The following AFG3L2 variants were observed in gnomAD, a reference collection of about 807,000 sequenced individuals.
AFG3L2 encodes mitochondrial inner membrane m-AAA protease component AFG3L2.
AFG3L2 carries 54 observed loss-of-function variants against 94.5 expected under a neutral mutation model. The ratio of observed to expected loss-of-function variants is 0.57; its 90% confidence interval spans 0.46 to 0.72. The LOEUF (loss-of-function observed/expected upper bound fraction) is 0.72. Among genes scored for constraint, AFG3L2 ranks in the 30% least tolerant of loss-of-function variants. The probability of loss-of-function intolerance (pLI) is 0.00; values close to 1 mark genes in which losing one functional copy is unlikely to be tolerated. For missense variants in AFG3L2, 754 were observed against 994.9 expected, an observed-to-expected ratio of 0.76 and a Z score of 3.26; for synonymous variants, 377 against 365.5, an observed-to-expected ratio of 1.03 and a Z score of -0.36.
At chr18:12,330,742 C>T (rs908664292) in intron 16 of AFG3L2, among the ~76,000 whole-genome samples, 4 of 151,632 alleles carry the variant, frequency 2.6e-5, no homozygotes, top group Non-Finnish European at 5.9e-5. Flanking sequence ...CGCGCCATTG[C>T]ACTCCAGCAG....
At position 12,332,962 on chromosome 18, in the gene AFG3L2, A is replaced by ATAAT. The variant is rs1568131911; in HGVS notation, c.2176-3180_2176-3179insATTA. Among the ~76,000 whole-genome samples the ATAAT allele has an allele frequency of 1.6e-3, 192 of 117,756 alleles. 2 individuals are homozygous for ATAAT. Among genetic ancestry groups the ATAAT allele is most frequent in the South Asian group, 7.7e-3 (32 of 4,178 alleles). The allele number at this position is 117,756 out of a possible 152,430, so 77.3% of individuals were successfully genotyped here. A position where few individuals can be genotyped will look rare whatever the true frequency, so the allele number is the denominator to read the frequency against. ...TAACATATAATATATTATATACTAT[A>ATAAT]ATATATTATATATTATATAAATATA... On this transcript the variant is annotated intron_variant, in intron 16 of 16. Transcript: ENST00000269143.
At chr18:12,342,959 T>G (rs1908001482) in intron 14 of AFG3L2, 2 of 152,106 alleles carry the variant, frequency 1.3e-5, no homozygotes. Context: ...CTACTCTTAC[T>G]CATTTGTATT....
chr18:12,359,815 C>A, intron 7 of AFG3L2, 112 bp downstream of exon 7: 1 of 1,405,268 alleles, frequency 7.1e-7, no homozygotes, highest in Non-Finnish European at 9.9e-7. Context: ...TCTGGCCAAA[C>A]TGATAAAGGC....
In AFG3L2 at chr18:12,358,922, C is replaced by G; in HGVS notation, c.774G>C (p.Leu258=). 1 of 1,613,526 alleles carries G rather than the reference C, an allele frequency of 6.2e-7. No homozygotes were observed. Among genetic ancestry groups the G allele is most frequent in the Non-Finnish European group, 8.5e-7 (1 of 1,179,692 alleles). The change falls in exon 8 of 17, where the codon CTG becomes CTC. Residue 258 remains leucine (L), a synonymous_variant. Coordinates refer to ENST00000269143, the MANE Select transcript of AFG3L2 (RefSeq NM_006796.3). ...AGAAGGCGATGATGAGCACCGTAGGCAGCATGCTCAGCAGAAAAGAGCTGG... is the reference window on the plus strand; with the variant it reads ...AGAAGGCGATGATGAGCACCGTAGGGAGCATGCTCAGCAGAAAAGAGCTGG... The part of the protein sequence containing the change: ...ESDGSFLLSM[L]PTVLIIAFLL...
chr18:12,337,103 A>C (rs1907766499), intron 16 of AFG3L2: 2 of 609,648 alleles, frequency 3.3e-6, no homozygotes, highest in South Asian at 3.9e-5. Context: ...AGACTTCATT[A>C]ATCATTCAGT....
intron 3 of AFG3L2, among the ~76,000 whole-genome samples, chr18:12,369,256 G>C (rs1481130567): frequency 6.6e-6 from 1 of 152,054 alleles, no homozygotes; most frequent in African/African-American, 2.4e-5. Context: ...CCCACACCAA[G>C]ACTCAAAGAC....
At position 12,332,932 on chromosome 18, in the gene AFG3L2, C is replaced by CTATATAATATATATTA. The variant is rs1282089860; in HGVS notation, c.2176-3150_2176-3149insTAATATATATTATATA. ...AAATATATATTATATATAACATATA[C>CTATATAATATATATTA]TATATAACATATAATATATTATATA... On this transcript the variant is annotated intron_variant, in intron 16 of 16. Coordinates refer to ENST00000269143, the MANE Select transcript of AFG3L2 (RefSeq NM_006796.3). Among the ~76,000 whole-genome samples the CTATATAATATATATTA allele has an allele frequency of 1.4e-4, 16 of 113,068 alleles. 1 individual carries two copies. The highest frequency in any genetic ancestry group is 2.5e-4 in the South Asian group (1 of 4,028). 74.2% of individuals were successfully genotyped at this position (113,068 alleles called of 152,430 possible).
chr18:12,345,234 G>A (rs1908096444), intron 13 of AFG3L2, among the ~76,000 whole-genome samples: 1 of 152,246 alleles, frequency 6.6e-6, no homozygotes. Context: ...GACCCGTGCT[G>A]CAGCCTGCGT....
At chr18:12,342,976 T>A (rs1221892681) in intron 14 of AFG3L2, 1 of 151,040 alleles carries the variant, frequency 6.6e-6, no homozygotes. Flanking sequence ...TATTTCCATA[T>A]CGGTTTTAGA....
At chr18:12,369,034 C>T (rs1165639919) in intron 3 of AFG3L2, among the ~76,000 whole-genome samples, 1 of 152,108 alleles carries the variant, frequency 6.6e-6, no homozygotes, top group Non-Finnish European at 1.5e-5. Flanking sequence ...CTCCGCTATG[C>T]TGCATACGAG....
At chr18:12,331,410 CTTCTAA>C (rs1413744340) in intron 16 of AFG3L2, among the ~76,000 whole-genome samples, 2 of 152,232 alleles carry the variant, frequency 1.3e-5, no homozygotes, top group South Asian at 2.1e-4. Context: ...GAGCTCTGAA[CTTCTAA>C]TTCTGAGGGC....
At chr18:12,342,952 C>T (rs1212493066) in intron 14 of AFG3L2, 2 of 151,992 alleles carry the variant, frequency 1.3e-5, no homozygotes, top group African/African-American at 4.8e-5. Context: ...GTTTTGGCTA[C>T]TCTTACTCAT....
chr18:12,354,145 C>CCCCCCCCCCCCCCCCCGCT (rs143596998), intron 9 of AFG3L2, among the ~76,000 whole-genome samples: 1 of 108,702 alleles, frequency 9.2e-6, no homozygotes, highest in Non-Finnish European at 1.9e-5. Context: ...CCCCCCCCCC[C>CCCCCCCCCCCCCCCCCGCT]ACTTCACTGG....
chr18:12,349,455 T>C (rs1280425861), intron 12 of AFG3L2, among the ~76,000 whole-genome samples: 2 of 152,196 alleles, frequency 1.3e-5, no homozygotes, highest in African/African-American at 2.4e-5. Context: ...CCGATGTTCA[T>C]GGCAGCATTA....
chr18:12,371,497 C>T, intron 2 of AFG3L2, 95 bp downstream of exon 2: 1 of 932,640 alleles, frequency 1.1e-6, no homozygotes, highest in Non-Finnish European at 1.8e-6. Context: ...TCGCTGTAAT[C>T]AGACATAAGT....
intron 3 of AFG3L2, among the ~76,000 whole-genome samples, chr18:12,368,154 T>A (rs1213016541): frequency 6.8e-6 from 1 of 147,890 alleles, no homozygotes; most frequent in African/African-American, 2.5e-5. Context: ...GCAACAAGCG[T>A]GAAACTCCGT....
chr18:12,340,626 T>C (rs1180245961), intron 14 of AFG3L2, among the ~76,000 whole-genome samples: 1 of 152,138 alleles, frequency 6.6e-6, no homozygotes, highest in African/African-American at 2.4e-5. Flanking sequence ...GATTGAGTCC[T>C]GCTCTGTCAC....
chr18:12,349,376 A>G (rs919720997), intron 12 of AFG3L2, among the ~76,000 whole-genome samples: 6 of 152,224 alleles, frequency 3.9e-5, no homozygotes, highest in African/African-American at 9.6e-5. Flanking sequence ...TAGAGTTACC[A>G]TATCACCCAG....
chr18:12,331,522 G>A (rs1404995991), intron 16 of AFG3L2, among the ~76,000 whole-genome samples: 1 of 152,156 alleles, frequency 6.6e-6, no homozygotes, highest in Admixed American at 6.6e-5. Context: ...AAAATATATG[G>A]CCACGCGCAA....
Sources: allele counts gnomAD v4.1 joint callset (sites outside exome capture counted in the v4.1 genomes callset), GRCh38; gene constraint gnomAD v4.1.1; transcripts MANE v1.5; gene names NCBI Gene and HGNC (gene_info 2026-07-23, HGNC 2026-07-21).